The following SORCS2 variants were observed in gnomAD, a reference collection of about 807,000 sequenced individuals.
SORCS2 encodes the protein sortilin related VPS10 domain containing receptor 2, also known as VPS10 domain-containing receptor SorCS2.
SORCS2 carries 100 observed loss-of-function variants against 141.6 expected under a neutral mutation model. That is an observed-to-expected ratio of 0.71 (90% CI 0.60 to 0.83). The LOEUF (loss-of-function observed/expected upper bound fraction) is 0.83. SORCS2 is among the 40% of genes least tolerant of loss of function. SORCS2 has a pLI of 0.00. For missense variants in SORCS2, 1,646 were observed against 1,560.2 expected (o/e 1.05, Z -0.93); for synonymous variants, 789 against 676.9 (o/e 1.17, Z -2.57).
At chr4:7,281,167 C>A (rs774785311) in intron 1 of SORCS2, among the ~76,000 whole-genome samples, 1 of 152,128 alleles carries the variant, frequency 6.6e-6, no homozygotes, top group Non-Finnish European at 1.5e-5. Context: ...TCATGCTGCA[C>A]AAAAGTTTTT....
intron 1 of SORCS2, among the ~76,000 whole-genome samples, chr4:7,227,493 T>C (rs1729058541): frequency 6.6e-6 from 1 of 152,194 alleles, no homozygotes; most frequent in South Asian, 2.1e-4. Flanking sequence ...CAGGTTGTGA[T>C]CCTGTGCTCT....
At chr4:7,398,465 A>T (rs963541929) in intron 2 of SORCS2, among the ~76,000 whole-genome samples, 1 of 152,240 alleles carries the variant, frequency 6.6e-6, no homozygotes, top group African/African-American at 2.4e-5. Context: ...GCAAATTGAC[A>T]GATTTTAATT....
chr4:7,243,472 A>G (rs1276158574), intron 1 of SORCS2, among the ~76,000 whole-genome samples: 1 of 152,074 alleles, frequency 6.6e-6, no homozygotes, highest in Non-Finnish European at 1.5e-5. Flanking sequence ...GCTGAGGGAA[A>G]GGTGCGGGGA....
At chr4:7,549,042 C>A (rs1031320100) in intron 3 of SORCS2, among the ~76,000 whole-genome samples, 5 of 151,994 alleles carry the variant, frequency 3.3e-5, no homozygotes, top group African/African-American at 1.2e-4. Context: ...ACCCACATGG[C>A]CATGGCAGGA....
At chr4:7,678,995 C>T (rs977563462) in intron 9 of SORCS2, among the ~76,000 whole-genome samples, 4 of 152,200 alleles carry the variant, frequency 2.6e-5, no homozygotes, top group African/African-American at 2.4e-5. Flanking sequence ...CAAGTGAGCA[C>T]TCACTTTGTT....
intron 1 of SORCS2, chr4:7,382,031 G>T (rs997170680): frequency 1.0e-6 from 1 of 964,780 alleles, no homozygotes; most frequent in African/African-American, 1.8e-5. Context: ...AAGGGAGTCG[G>T]GTCAAAGATG....
chr4:7,392,633 G>A (rs2109103280), intron 1 of SORCS2, among the ~76,000 whole-genome samples: 1 of 152,142 alleles, frequency 6.6e-6, no homozygotes, highest in East Asian at 1.9e-4. Context: ...GGGGTCCCGG[G>A]TTGACCTTTC....
intron 3 of SORCS2, among the ~76,000 whole-genome samples, chr4:7,545,912 A>G (rs931805417): frequency 3.9e-5 from 6 of 152,188 alleles, no homozygotes; most frequent in African/African-American, 1.4e-4. Context: ...TCCAACATCA[A>G]GGTTCCAGCA....
At chr4:7,206,303 G>A (rs987305974) in intron 1 of SORCS2, among the ~76,000 whole-genome samples, 1 of 152,126 alleles carries the variant, frequency 6.6e-6, no homozygotes, top group African/African-American at 2.4e-5. Flanking sequence ...CTCCCCAAGC[G>A]CCTGGTGCTT....
chr4:7,544,731 C>T (rs1346465785), intron 3 of SORCS2, among the ~76,000 whole-genome samples: 2 of 152,224 alleles, frequency 1.3e-5, no homozygotes, highest in African/African-American at 4.8e-5. Flanking sequence ...CTTGCAGGCT[C>T]TGAGCACCCA....
intron 1 of SORCS2, among the ~76,000 whole-genome samples, chr4:7,271,160 A>T (rs559429110): frequency 6.6e-6 from 1 of 152,126 alleles, no homozygotes; most frequent in African/African-American, 2.4e-5. Context: ...TGCTGCTTCT[A>T]TCTCCTCTGT....
intron 1 of SORCS2, among the ~76,000 whole-genome samples, chr4:7,270,652 A>C (rs2108841145): frequency 6.6e-6 from 1 of 152,382 alleles, no homozygotes; most frequent in East Asian, 1.9e-4. Context: ...CCACTAAAAA[A>C]AGATCCCTCC....
chr4:7,627,622 G>T (rs1490465105), intron 3 of SORCS2, among the ~76,000 whole-genome samples: 1 of 152,226 alleles, frequency 6.6e-6, no homozygotes, highest in Non-Finnish European at 1.5e-5. Flanking sequence ...CTCATAATGT[G>T]CCTCTGTTGG....
At chr4:7,654,665 C>T (rs922597618) in intron 5 of SORCS2, among the ~76,000 whole-genome samples, 4 of 152,202 alleles carry the variant, frequency 2.6e-5, no homozygotes, top group East Asian at 1.9e-4. Flanking sequence ...GGTGCCGACC[C>T]GGCCTGCCTC....
At chr4:7,237,883 C>G (rs1712398138) in intron 1 of SORCS2, among the ~76,000 whole-genome samples, 2 of 151,882 alleles carry the variant, frequency 1.3e-5, no homozygotes, top group South Asian at 4.2e-4. Context: ...GGATTTGTAC[C>G]ATGATCCATC....
intron 2 of SORCS2, among the ~76,000 whole-genome samples, chr4:7,427,259 G>C (rs970441822): frequency 6.6e-6 from 1 of 152,190 alleles, no homozygotes; most frequent in Non-Finnish European, 1.5e-5. Context: ...CTCTGGGGGG[G>C]GCTTTGAGTC....
Position 7,433,124 on chromosome 4 carries a change from G to A in SORCS2, c.548+36769G>A, listed in dbSNP as rs568088203. On this transcript the variant is annotated intron_variant, in intron 2 of 26. Coordinates refer to ENST00000507866, the MANE Select transcript of SORCS2 (RefSeq NM_020777.3). ...CCGGTCCAGTAGAGATGCTTTCAAG[G>A]GCAAAGCTGTGCGGCACCGTTGTTA... 3 of 516,980 alleles carry A rather than the reference G, an allele frequency of 5.8e-6. No individual in the cohort carries two copies. In the South Asian group the frequency reaches 2.6e-4, roughly 45 times the overall value. The allele number at this position is 516,980 out of a possible 1,614,324, so 32.0% of individuals were successfully genotyped here.
At chr4:7,292,110 C>G (rs1716644027) in intron 1 of SORCS2, among the ~76,000 whole-genome samples, 1 of 152,228 alleles carries the variant, frequency 6.6e-6, no homozygotes, top group African/African-American at 2.4e-5. Flanking sequence ...GATCTCAGCT[C>G]TCTCCCGCTG....
At chr4:7,735,751 C>G (rs1181100913) in intron 25 of SORCS2, among the ~76,000 whole-genome samples, 1 of 152,194 alleles carries the variant, frequency 6.6e-6, no homozygotes, top group Non-Finnish European at 1.5e-5. Context: ...ATCTTCTTCC[C>G]CCAAAGCTGG....
Sources: allele counts gnomAD v4.1 joint callset (sites outside exome capture counted in the v4.1 genomes callset), GRCh38; gene constraint gnomAD v4.1.1; transcripts MANE v1.5; gene names NCBI Gene and HGNC (gene_info 2026-07-23, HGNC 2026-07-21).